The following CNTN5 variants were observed in gnomAD, a reference collection of about 807,000 sequenced individuals.
CNTN5 encodes the protein contactin-5.
CNTN5 carries 77 observed loss-of-function variants against 129.1 expected under a neutral mutation model. The observed-to-expected ratio is 0.60, with a 90% CI of 0.50 to 0.72. The LOEUF is 0.72. Among genes scored for constraint, CNTN5 ranks in the 30% least tolerant of loss-of-function variants. The probability of loss-of-function intolerance (pLI) is 0.00; values close to 1 mark genes in which losing one functional copy is unlikely to be tolerated. For missense variants in CNTN5, 1,478 were observed against 1,328.8 expected (o/e 1.11, Z -1.75); for synonymous variants, 509 against 465.6 (o/e 1.09, Z -1.20).
At chr11:100,309,142 A>C in intron 21 of CNTN5, 1 of 985,040 alleles carries the variant, frequency 1.0e-6, no homozygotes, top group Non-Finnish European at 1.2e-6. Context: ...AGTCATGGAG[A>C]GGAATTAGGG....
At position 100,043,317 on chromosome 11, in the gene CNTN5, A is replaced by G. The variant is rs191394214; in HGVS notation, c.981-17895A>G. ...TGGCACTGCCAGCAGGCTCAAGAAC[A>G]CTATTTCATTTAACAATAGCTTATG... On this transcript the variant is annotated intron_variant, in intron 9 of 24. Coordinates refer to ENST00000524871, the MANE Select transcript of CNTN5 (RefSeq NM_014361.4). Among the ~76,000 whole-genome samples the G allele has an allele frequency of 1.1e-4, 17 of 152,270 alleles. No homozygotes were observed. The East Asian group carries it at 2.1e-3, about 19-fold the overall frequency.
intron 1 of CNTN5, among the ~76,000 whole-genome samples, chr11:99,210,282 C>T (rs10892915): frequency 0.2 from 31,151 of 152,086 alleles, 3,264 homozygotes; most frequent in South Asian, 0.24. Context: ...CCTAACCTTC[C>T]TTCTCAATTT....
intron 1 of CNTN5, among the ~76,000 whole-genome samples, chr11:99,138,222 G>T (rs1413281746): frequency 6.6e-6 from 1 of 152,002 alleles, no homozygotes; most frequent in Non-Finnish European, 1.5e-5. Context: ...GGTGTTAGGT[G>T]TTTCTATTTA....
intron 3 of CNTN5, among the ~76,000 whole-genome samples, chr11:99,644,433 T>G (rs1198824905): frequency 2.6e-5 from 4 of 152,204 alleles, no homozygotes; most frequent in Non-Finnish European, 5.9e-5. Context: ...TATCACTTCA[T>G]AACTAATAAT....
chr11:99,819,159 T>C (rs1397132181), intron 3 of CNTN5, among the ~76,000 whole-genome samples: 1 of 151,294 alleles, frequency 6.6e-6, no homozygotes, highest in Non-Finnish European at 1.5e-5. Flanking sequence ...CTTTTAAAAG[T>C]TAATTTACAA....
At chr11:99,327,481 G>A (rs749610680) in intron 2 of CNTN5, among the ~76,000 whole-genome samples, 7 of 152,124 alleles carry the variant, frequency 4.6e-5, no homozygotes, top group African/African-American at 1.7e-4. Flanking sequence ...GTATTTAACT[G>A]TACAGAGAAC....
chr11:99,887,632 C>G (rs1173365413), intron 6 of CNTN5, among the ~76,000 whole-genome samples: 1 of 152,222 alleles, frequency 6.6e-6, no homozygotes, highest in Non-Finnish European at 1.5e-5. Context: ...AGTAGGAAAG[C>G]TGACAGTGCA....
At chr11:100,144,718 GC>G (rs1946795450) in intron 13 of CNTN5, among the ~76,000 whole-genome samples, 1 of 135,536 alleles carries the variant, frequency 7.4e-6, no homozygotes, top group Non-Finnish European at 1.6e-5. Context: ...CTTTTCTTCA[GC>G]CTATTGGAGT....
intron 1 of CNTN5, among the ~76,000 whole-genome samples, chr11:99,032,123 T>C (rs991410777): frequency 2.6e-5 from 4 of 152,128 alleles, no homozygotes; most frequent in African/African-American, 9.7e-5. Context: ...TGCATATTAT[T>C]CCATGGTGTA....
chr11:99,029,731 G>C (rs73550161), intron 1 of CNTN5, among the ~76,000 whole-genome samples: 1 of 152,040 alleles, frequency 6.6e-6, no homozygotes, highest in Non-Finnish European at 1.5e-5. Context: ...TGAAAAAATT[G>C]GGATTTTGTT....
intron 2 of CNTN5, among the ~76,000 whole-genome samples, chr11:99,353,995 G>A (rs185332747): frequency 1.7e-4 from 26 of 152,258 alleles, no homozygotes; most frequent in African/African-American, 6.3e-4. Flanking sequence ...ATGATATTTT[G>A]TCAATCCAGT....
At chr11:99,392,979 G>A (rs370149027) in intron 2 of CNTN5, among the ~76,000 whole-genome samples, 1 of 151,770 alleles carries the variant, frequency 6.6e-6, no homozygotes, top group South Asian at 2.1e-4. Flanking sequence ...AATGGTATAA[G>A]GATGAGTAAG....
intron 23 of CNTN5, among the ~76,000 whole-genome samples, chr11:100,348,998 T>C (rs543483650): frequency 9.2e-5 from 14 of 152,068 alleles, no homozygotes; most frequent in Admixed American, 7.9e-4. Context: ...CAATAAATGT[T>C]TGATAATGCT....
chr11:99,107,732 C>T (rs1463743164), intron 1 of CNTN5, among the ~76,000 whole-genome samples: 1 of 151,574 alleles, frequency 6.6e-6, no homozygotes, highest in Non-Finnish European at 1.5e-5. Flanking sequence ...GAGATTGAGA[C>T]CATCCTAGCT....
intron 1 of CNTN5, among the ~76,000 whole-genome samples, chr11:99,180,254 A>G (rs11218665): frequency 0.1 from 15,579 of 152,234 alleles, 1,019 homozygotes; most frequent in East Asian, 0.33. Flanking sequence ...GCAAATTGCA[A>G]TGGGAAAGGG....
chr11:100,181,692 G>A (rs1293086360), intron 13 of CNTN5, among the ~76,000 whole-genome samples: 4 of 151,794 alleles, frequency 2.6e-5, no homozygotes, highest in African/African-American at 9.7e-5. Context: ...AGCATAGAAG[G>A]AATCTGTTTT....
Position 99,556,130 on chromosome 11 carries a change from A to G in CNTN5, c.-70-15A>G, listed in dbSNP as rs1948655293. 1 of 673,748 alleles carries G rather than the reference A, an allele frequency of 1.5e-6. No individual in the cohort carries two copies. The highest frequency in any genetic ancestry group is 2.4e-6 in the Non-Finnish European group (1 of 424,078). 41.7% of individuals were successfully genotyped at this position (673,748 alleles called of 1,614,324 possible). On this transcript the variant is annotated splice_polypyrimidine_tract_variant and intron_variant, in intron 2 of 24. Coordinates refer to ENST00000524871, the MANE Select transcript of CNTN5 (RefSeq NM_014361.4). ...ATTTCCTCTGTTTAAGAAAATTGTT[A>G]TCTATCTCAAACAGGGCACTCTTTA...
At chr11:99,714,878 C>T (rs1396112912) in intron 3 of CNTN5, among the ~76,000 whole-genome samples, 1 of 149,196 alleles carries the variant, frequency 6.7e-6, no homozygotes, top group Non-Finnish European at 1.5e-5. Flanking sequence ...TTGAAGCTGT[C>T]TAACTTCTAG....
At chr11:100,077,082 T>C (rs568919580) in intron 13 of CNTN5, among the ~76,000 whole-genome samples, 13 of 152,254 alleles carry the variant, frequency 8.5e-5, no homozygotes, top group African/African-American at 3.1e-4. Flanking sequence ...TTAAAAGAAG[T>C]CTCAGTTACA....
Sources: gnomAD v4.1 joint callset for allele counts (sites outside exome capture counted in the v4.1 genomes callset) on GRCh38, gnomAD v4.1.1 for gene constraint, MANE v1.5 for transcripts, NCBI Gene and HGNC (gene_info 2026-07-23, HGNC 2026-07-21) for gene names.